Variants in NFASC observed in about 807,000 individuals in gnomAD.
NFASC encodes neurofascin homolog.
A neutral mutation model predicts 147.5 loss-of-function variants in NFASC; 43 were observed. The ratio of observed to expected loss-of-function variants is 0.29; its 90% CI spans 0.23 to 0.38. The LOEUF (loss-of-function observed/expected upper bound fraction) is 0.38. Among genes scored for constraint, NFASC ranks in the 10% least tolerant of loss-of-function variants. The pLI is 1.00. For missense variants in NFASC, 1,320 were observed against 1,689.0 expected (o/e 0.78, Z 3.83); for synonymous variants, 622 against 665.5 (o/e 0.93, Z 1.01).
Position 204,980,375 on chromosome 1 carries a change from G to A in NFASC, c.2182G>A (p.Glu728Lys), listed in dbSNP as rs760132770. 11 of 1,613,466 alleles carry A rather than the reference G, an allele frequency of 6.8e-6. No individual in the cohort carries two copies. The highest frequency in any genetic ancestry group is 2.7e-5 in the African/African-American group (2 of 74,910). Residue 728 changes from glutamate to lysine, a missense_variant, in exon 20 of 30, where the codon GAG becomes AAG. This residue lies in a region of NFASC where 981 missense variants were observed against 1,289.5 expected (regional missense o/e 0.76). Coordinates refer to ENST00000339876, the MANE Select transcript of NFASC (RefSeq NM_001005388.3). Reference protein sequence around the residue: ...ERYRTSGAPPESNPGDVKGEG... With the variant: ...ERYRTSGAPPKSNPGDVKGEG... ...TGTGTCTGTTTGGGTTCCAGCCCCC[G>A]AGTCCAATCCTGGTGACGTGAAGGG...
At chr1:204,999,274 T>A (rs1353314071) in intron 25 of NFASC, 1 of 152,240 alleles carries the variant, frequency 6.6e-6, no homozygotes, top group East Asian at 1.9e-4. Flanking sequence ...CGGGTCATCA[T>A]CCTGATCTCT....
intron 1 of NFASC, among the ~76,000 whole-genome samples, chr1:204,862,050 T>C (rs2076728179): frequency 6.6e-6 from 1 of 152,240 alleles, no homozygotes; most frequent in Non-Finnish European, 1.5e-5. Context: ...CTGTACCATG[T>C]TGTGGGCTGC....
intron 24 of NFASC, among the ~76,000 whole-genome samples, chr1:204,992,241 C>T (rs1558399887): frequency 6.6e-6 from 1 of 152,190 alleles, no homozygotes; most frequent in Non-Finnish European, 1.5e-5. Flanking sequence ...GCAAAGGCTA[C>T]AAGCAAGTGC....
At chr1:204,846,158 G>T (rs1450237992) in intron 1 of NFASC, among the ~76,000 whole-genome samples, 1 of 149,900 alleles carries the variant, frequency 6.7e-6, no homozygotes, top group Non-Finnish European at 1.5e-5. Flanking sequence ...GGAGTTTGAG[G>T]CCAGCCAGAG....
chr1:204,851,342 T>C (rs934393993), intron 1 of NFASC, among the ~76,000 whole-genome samples: 4 of 143,168 alleles, frequency 2.8e-5, no homozygotes, highest in Admixed American at 7.0e-5. Flanking sequence ...TTTTTTTTTT[T>C]CTTTTTTTGA....
intron 21 of NFASC, among the ~76,000 whole-genome samples, chr1:204,985,609 C>G (rs970625107): frequency 5.9e-5 from 9 of 152,208 alleles, no homozygotes; most frequent in Non-Finnish European, 1.0e-4. Flanking sequence ...GGAAATCAGT[C>G]TCATGATGGA....
intron 1 of NFASC, among the ~76,000 whole-genome samples, chr1:204,841,578 C>T (rs529175216): frequency 1.6e-4 from 25 of 152,230 alleles, no homozygotes; most frequent in Non-Finnish European, 3.1e-4. Flanking sequence ...TGACATCTTC[C>T]CCATAGAAGA....
At chr1:204,924,726 C>A (rs2091173587) in intron 2 of NFASC, among the ~76,000 whole-genome samples, 1 of 152,154 alleles carries the variant, frequency 6.6e-6, no homozygotes, top group South Asian at 2.1e-4. Flanking sequence ...AGGTATAGAG[C>A]TAGGGTATGG....
chr1:205,018,149 G>A lies in NFASC; in HGVS notation c.*1610G>A, dbSNP rs1184437127. 1 of 152,632 alleles carries A rather than the reference G, an allele frequency of 6.6e-6. No individual in the cohort carries two copies. The highest frequency in any genetic ancestry group is 1.5e-5 in the Non-Finnish European group (1 of 68,054). The allele number at this position is 152,632 out of a possible 1,614,324, so 9.5% of individuals were successfully genotyped here. On this transcript the variant is annotated 3_prime_UTR_variant, in exon 30 of 30. Transcript: ENST00000339876. ...GTACCTAGCCTCAGAGACAGAGAAG[G>A]AGAGGGGGAGATCTTGAGTCTAAGA...
intron 1 of NFASC, among the ~76,000 whole-genome samples, chr1:204,881,230 A>G (rs778909600): frequency 2.0e-5 from 3 of 152,120 alleles, no homozygotes; most frequent in Non-Finnish European, 4.4e-5. Flanking sequence ...TGACCAGCAG[A>G]TGCATCTGTT....
chr1:204,867,757 A>G (rs903415912), intron 1 of NFASC, among the ~76,000 whole-genome samples: 1 of 152,220 alleles, frequency 6.6e-6, no homozygotes, highest in African/African-American at 2.4e-5. Context: ...ACGCTCATGC[A>G]TAGGCACAGC....
At chr1:204,861,722 C>T (rs1350307127) in intron 1 of NFASC, among the ~76,000 whole-genome samples, 4 of 152,182 alleles carry the variant, frequency 2.6e-5, no homozygotes, top group African/African-American at 9.7e-5. Context: ...ATCTCCTGAC[C>T]TCGTGATCTG....
Position 204,981,853 on chromosome 1 carries a change from G to A in NFASC, c.2303G>A (p.Arg768Lys), listed in dbSNP as rs557773864. The A allele has an allele frequency of 1.3e-5, 21 of 1,601,654 alleles. No homozygotes were observed. Among genetic ancestry groups the A allele is most frequent in the South Asian group, 6.7e-5 (6 of 88,958 alleles). ...GPNLRYIVKWRRRETREAWNN... is the reference protein window; with the variant it reads ...GPNLRYIVKWKRRETREAWNN... ...AACCTGCGCTACATTGTCAAGTGGA[G>A]GCGGAGAGAGACTCGAGAGGCCTGG... The change falls in exon 21 of 30, where the codon AGG becomes AAG. Residue 768 changes from arginine to lysine, a missense_variant. Transcript: ENST00000339876.
At chr1:204,900,940 G>A (rs1222140079) in intron 1 of NFASC, among the ~76,000 whole-genome samples, 1 of 152,122 alleles carries the variant, frequency 6.6e-6, no homozygotes, top group Admixed American at 6.5e-5. Flanking sequence ...GCCTCCCAAA[G>A]TGTTGGGATT....
chr1:204,855,059 G>A (rs1343406448), intron 1 of NFASC, among the ~76,000 whole-genome samples: 1 of 152,226 alleles, frequency 6.6e-6, no homozygotes, highest in Non-Finnish European at 1.5e-5. Context: ...GCCCTCACAA[G>A]GACTCCTGAG....
In NFASC at chr1:204,828,746, C is replaced by G; in HGVS notation, c.-236C>G. On this transcript the variant is annotated 5_prime_UTR_variant, in exon 1 of 30. Transcript: ENST00000339876. The stretch of plus-strand genomic sequence containing the variant: ...GTGGCGGCGCCGGCAGCGGACAGCT[C>G]GGACAGCGCCCAGGGCCGGAGCCCG... 3.0e-6 allele frequency: 3 copies of G among 985,936 alleles called. No homozygotes were observed. The highest frequency in any genetic ancestry group is 3.6e-6 in the Non-Finnish European group (3 of 830,464). 61.1% of individuals were successfully genotyped at this position (985,936 alleles called of 1,614,324 possible). A position where few individuals can be genotyped will look rare whatever the true frequency, so the allele number is the denominator to read the frequency against.
At chr1:204,945,794 C>A (rs2093687903) in intron 3 of NFASC, among the ~76,000 whole-genome samples, 1 of 152,298 alleles carries the variant, frequency 6.6e-6, no homozygotes, top group East Asian at 1.9e-4. Context: ...CAGTCCCAGG[C>A]AGACAGTCTA....
At position 204,975,215 on chromosome 1, in the gene NFASC, A is replaced by G; in HGVS notation, c.1559-56A>G. On this transcript the variant is annotated intron_variant, in intron 14 of 29. Coordinates refer to ENST00000339876, the MANE Select transcript of NFASC (RefSeq NM_001005388.3). The surrounding 1 kb of genome is among the most constrained non-coding windows in gnomAD (Gnocchi z 4.0). Reference sequence around the variant, plus strand: ...CAGACATATGCCACTTTGTGGCCGCATGGGGATGCTGGGCAGAGAACAGGC... The same window carrying G: ...CAGACATATGCCACTTTGTGGCCGCGTGGGGATGCTGGGCAGAGAACAGGC... 1 of 1,553,110 alleles carries G rather than the reference A, an allele frequency of 6.4e-7. No individual in the cohort carries two copies. The highest frequency in any genetic ancestry group is 1.4e-5 in the African/African-American group (1 of 73,248).
chr1:204,913,865 C>T (rs1553251768), intron 1 of NFASC, among the ~76,000 whole-genome samples: 1 of 150,666 alleles, frequency 6.6e-6, no homozygotes, highest in Non-Finnish European at 1.5e-5. Flanking sequence ...TGCACTCCAG[C>T]CTGGGCAACA....
Sources: gnomAD v4.1 joint callset for allele counts (sites outside exome capture counted in the v4.1 genomes callset) on GRCh38, gnomAD v4.1.1 for gene constraint, gnomAD v4.1.1 regional missense constraint, Gnocchi (gnomAD v3.1) non-coding constraint, MANE v1.5 for transcripts, NCBI Gene and HGNC (gene_info 2026-07-23, HGNC 2026-07-21) for gene names.